The following MYOF variants were observed in gnomAD, a reference collection of about 807,000 sequenced individuals.
The protein encoded by MYOF is myoferlin.
MYOF carries 244 observed loss-of-function variants against 284.2 expected under a neutral mutation model. The observed-to-expected ratio is 0.86, with a 90% CI of 0.77 to 0.95. The LOEUF (loss-of-function observed/expected upper bound fraction) is 0.95. MYOF is among the 40% of genes least tolerant of loss of function. The pLI is 0.00. For missense variants in MYOF, 2,496 were observed against 2,560.6 expected (o/e 0.97, Z 0.54); for synonymous variants, 904 against 919.7 (o/e 0.98, Z 0.31).
intron 40 of MYOF, among the ~76,000 whole-genome samples, chr10:93,336,988 G>A (rs762833210): frequency 6.6e-6 from 1 of 152,100 alleles, no homozygotes; most frequent in Non-Finnish European, 1.5e-5. Flanking sequence ...AGGCAGGCAG[G>A]AAGGGAAGAG....
chr10:93,347,326 G>A (rs1844236673), intron 37 of MYOF, among the ~76,000 whole-genome samples: 1 of 151,780 alleles, frequency 6.6e-6, no homozygotes, highest in African/African-American at 2.4e-5. Flanking sequence ...GCCGAGGCGG[G>A]TGGATCATGA....
Position 93,379,912 on chromosome 10 carries a change from C to T in MYOF, c.1952G>A (p.Ser651Asn), listed in dbSNP as rs1291332519. The change falls in exon 21 of 54, where the codon AGT becomes AAT. Residue 651 changes from serine to asparagine, a missense_variant. This residue lies in a region of MYOF where 2,436 missense variants were observed against 2,480.7 expected (regional missense o/e 0.98). Coordinates refer to ENST00000359263, the MANE Select transcript of MYOF (RefSeq NM_013451.4). ...AGTGTTCACCGCATCCAGGCGATGA[C>T]TAATATCCTCCCAGTATGAAGTCAG... ...VTLTSYWEDI[S>N]HRLDAVNTLL... The T allele has an allele frequency of 6.2e-7, 1 of 1,614,134 alleles. No individual in the cohort carries two copies. The highest frequency in any genetic ancestry group is 8.5e-7 in the Non-Finnish European group (1 of 1,179,994).
At chr10:93,464,995 C>T (rs984540461) in intron 1 of MYOF, among the ~76,000 whole-genome samples, 1 of 152,178 alleles carries the variant, frequency 6.6e-6, no homozygotes, top group African/African-American at 2.4e-5. Flanking sequence ...CACCCCTGAA[C>T]CACACCCATA....
At chr10:93,390,196 AT>A (rs1345558551) in intron 17 of MYOF, among the ~76,000 whole-genome samples, 1 of 152,214 alleles carries the variant, frequency 6.6e-6, no homozygotes, top group South Asian at 2.1e-4. Flanking sequence ...CGTCATCAGA[AT>A]GATGCCCATT....
chr10:93,394,497 G>T (rs1402336994), intron 16 of MYOF, among the ~76,000 whole-genome samples: 1 of 97,056 alleles, frequency 1.0e-5, no homozygotes, highest in African/African-American at 3.7e-5. Context: ...GTCTTGCTCT[G>T]TCGCCCAGGC....
chr10:93,423,912 T>C (rs1196171294), intron 5 of MYOF, among the ~76,000 whole-genome samples: 1 of 149,128 alleles, frequency 6.7e-6, no homozygotes, highest in African/African-American at 2.5e-5. Context: ...AGCTATATCC[T>C]AGAGGGGAAA....
At chr10:93,399,880 AAAC>A (rs1169200344) in intron 12 of MYOF, among the ~76,000 whole-genome samples, 1 of 11,812 alleles carries the variant, frequency 8.5e-5, no homozygotes, top group Admixed American at 1.7e-3. Flanking sequence ...CAAAACAAAC[AAAC>A]AAAATTAGCC....
At chr10:93,441,653 T>C (rs1010220643) in intron 3 of MYOF, among the ~76,000 whole-genome samples, 19 of 150,982 alleles carry the variant, frequency 1.3e-4, no homozygotes, top group African/African-American at 4.1e-4. Flanking sequence ...AACCTCTGCC[T>C]TCTGCATTCA....
chr10:93,434,600 T>C (rs1043320795), intron 3 of MYOF, among the ~76,000 whole-genome samples: 2 of 152,198 alleles, frequency 1.3e-5, no homozygotes, highest in Admixed American at 6.6e-5. Flanking sequence ...GTTGTTGTTA[T>C]TGCTTTTCCT....
intron 28 of MYOF, among the ~76,000 whole-genome samples, chr10:93,360,343 G>A (rs1384941381): frequency 6.6e-6 from 1 of 152,250 alleles, no homozygotes; most frequent in Non-Finnish European, 1.5e-5. Context: ...ATCGCCACAT[G>A]TTGGCTGTTA....
Position 93,378,693 on chromosome 10 carries a change from G to GTGTGTATATATATATATATATATATA in MYOF, c.2001+1169_2001+1170insTATATATATATATATATATATACACA. 5.3e-3 allele frequency among the ~76,000 whole-genome samples: 464 copies of GTGTGTATATATATATATATATATATA among 87,676 alleles called. 11 individuals carry two copies. The highest frequency in any genetic ancestry group is 0.014 in the African/African-American group (289 of 20,662). The allele number at this position is 87,676 out of a possible 152,430, so 57.5% of individuals were successfully genotyped here. On this transcript the variant is annotated intron_variant, in intron 21 of 53. Transcript: ENST00000359263. ...TATGTGTGTGTGTATGTGTGTGTGT[G>GTGTGTATATATATATATATATATATA]TATATATATATATATATATATATGT...
At chr10:93,340,057 G>A in intron 39 of MYOF, 96 bp downstream of exon 39, 3 of 1,365,110 alleles carry the variant, frequency 2.2e-6, no homozygotes, top group South Asian at 2.5e-5. Context: ...TCCAGCCTGG[G>A]TGAAAGAGCG....
chr10:93,414,416 G>C (rs1335030128), intron 5 of MYOF, among the ~76,000 whole-genome samples: 1 of 152,090 alleles, frequency 6.6e-6, no homozygotes, highest in African/African-American at 2.4e-5. Flanking sequence ...GCGTGCACCT[G>C]TGGTCCCAGC....
chr10:93,426,073 C>T lies in MYOF; in HGVS notation c.431G>A (p.Gly144Glu). The part of the protein sequence containing the change: ...DLSGPSVPGM[G>E]GDGEEDEGDE... ...GGCCTTCAGAAGGGTCAGCTTACCT[C>T]CCATGCCTGGCACGCTGGGCCCGCT... is the stretch of plus-strand genomic sequence containing the variant. Residue 144 changes from glycine (G) to glutamate (E), a missense_variant and splice_region_variant, in exon 5 of 54, where the codon GGA (glycine) becomes GAA (glutamate). Gly to Glu is a moderately conservative substitution (Grantham distance 98). Transcript: ENST00000359263. 3.2e-6 allele frequency: 5 copies of T among 1,553,942 alleles called. No individual in the cohort carries two copies. Among genetic ancestry groups the T allele is most frequent in the Non-Finnish European group, 4.4e-6 (5 of 1,148,496 alleles).
At chr10:93,399,516 A>T in intron 12 of MYOF, 21 bp from the exon 13 acceptor site, 1 of 1,549,002 alleles carries the variant, frequency 6.5e-7, no homozygotes, top group Non-Finnish European at 8.8e-7. Context: ...ATAGTTATAC[A>T]GCAGAAATTA....
chr10:93,395,938 T>G (rs1034243663), intron 16 of MYOF, among the ~76,000 whole-genome samples: 1 of 150,280 alleles, frequency 6.7e-6, no homozygotes, highest in African/African-American at 2.5e-5. Context: ...TAGATTATGA[T>G]TTTAGCAGTT....
At chr10:93,342,119 G>C (rs1191499674) in intron 38 of MYOF, 3 of 420,788 alleles carry the variant, frequency 7.1e-6, no homozygotes, top group Non-Finnish European at 1.3e-5. Context: ...GGACATCACA[G>C]AGTAATGCCA....
rs118177487 is a variant in MYOF at position 93,418,919 on chromosome 10, A to G, written c.433+7152T>C. Among the ~76,000 whole-genome samples, 621 of 152,306 alleles carry G rather than the reference A, an allele frequency of 4.1e-3. 1 individual carries two copies. The highest frequency in any genetic ancestry group is 7.0e-3 in the Non-Finnish European group (476 of 68,024). On this transcript the variant is annotated intron_variant, in intron 5 of 53. Transcript: ENST00000359263. ...ACAAAGCCACTTGATTAGAAACCCA[A>G]TCCTGGAAACAGTGCCTGCAACAAT...
In MYOF at chr10:93,333,904, G is replaced by A. The variant is rs201634420; in HGVS notation, c.4573C>T (p.Arg1525Trp). 2,616 of 1,613,812 alleles carry A rather than the reference G, an allele frequency of 1.6e-3. 9 individuals carry two copies. The highest frequency in any genetic ancestry group is 3.0e-3 in the Admixed American group (179 of 59,994). ...SVVGEFKGSF[R>W]IYPLPDDPSV... Reference sequence around the variant, plus strand: ...GGGTCATCCGGCAGAGGGTAGATCCGAAAGGAGCCCTAAAAGAGAGAGACA... The same window carrying A: ...GGGTCATCCGGCAGAGGGTAGATCCAAAAGGAGCCCTAAAAGAGAGAGACA... Residue 1525 changes from arginine to tryptophan, a missense_variant, in exon 42 of 54, where the codon CGG becomes TGG. This residue lies in a region of MYOF where 2,436 missense variants were observed against 2,480.7 expected (regional missense o/e 0.98). Coordinates refer to ENST00000359263, the MANE Select transcript of MYOF (RefSeq NM_013451.4).
Sources: gnomAD v4.1 joint callset for allele counts (sites outside exome capture counted in the v4.1 genomes callset) on GRCh38, gnomAD v4.1.1 for gene constraint, gnomAD v4.1.1 regional missense constraint, MANE v1.5 for transcripts, NCBI Gene and HGNC (gene_info 2026-07-23, HGNC 2026-07-21) for gene names.